RBP2: variants seen among roughly 807,000 people sequenced by gnomAD.
RBP2 encodes the protein retinol binding protein 2, also known as retinol-binding protein 2.
RBP2 carries 17 observed loss-of-function variants against 17.0 expected under a neutral mutation model. The ratio of observed to expected loss-of-function variants is 1.00; its 90% CI spans 0.68 to 1.50. RBP2 has a LOEUF of 1.50. Ranked by LOEUF, RBP2 falls within the 40% of genes most tolerant of loss-of-function variation. The pLI is 0.00. For synonymous variants in RBP2, 48 were observed against 57.1 expected, an observed-to-expected ratio of 0.84 and a Z score of 0.72; for missense variants, 158 against 168.2, an observed-to-expected ratio of 0.94 and a Z score of 0.33.
At chr3:139,470,320 A>T (rs535655606) in intron 1 of RBP2, among the ~76,000 whole-genome samples, 1 of 151,860 alleles carries the variant, frequency 6.6e-6, no homozygotes, top group South Asian at 2.1e-4. Flanking sequence ...TCATCTGCAA[A>T]CCCCGTGAGC....
chr3:139,461,271 G>T (rs1355326266), intron 2 of RBP2, among the ~76,000 whole-genome samples: 3 of 152,096 alleles, frequency 2.0e-5, no homozygotes, highest in Non-Finnish European at 2.9e-5. Flanking sequence ...AGCTCCTGTG[G>T]GCAAGAGCCT....
chr3:139,466,122 C>T (rs969425805), intron 1 of RBP2, among the ~76,000 whole-genome samples: 1 of 152,088 alleles, frequency 6.6e-6, no homozygotes, highest in Non-Finnish European at 1.5e-5. Context: ...TGGTTTCTGC[C>T]CTGTAGAATT....
At chr3:139,458,655 T>C (rs1471192163) in intron 2 of RBP2, among the ~76,000 whole-genome samples, 16 of 152,088 alleles carry the variant, frequency 1.1e-4, no homozygotes, top group Non-Finnish European at 4.4e-5. Context: ...GCAACCACTT[T>C]CTCTCTCTAT....
chr3:139,462,037 T>A (rs976873711), intron 2 of RBP2, 75 bp downstream of exon 2: 2 of 1,491,270 alleles, frequency 1.3e-6, no homozygotes, highest in African/African-American at 2.8e-5. Flanking sequence ...TAATATTTTT[T>A]TTTTCATCAT....
intron 1 of RBP2, among the ~76,000 whole-genome samples, chr3:139,475,757 A>C (rs957343832): frequency 1.4e-4 from 22 of 152,316 alleles, no homozygotes; most frequent in Non-Finnish European, 2.6e-4. Flanking sequence ...TAGGCTGGGC[A>C]GGGCTATGTG....
At chr3:139,456,683 G>A (rs1932975796) in intron 2 of RBP2, among the ~76,000 whole-genome samples, 1 of 152,190 alleles carries the variant, frequency 6.6e-6, no homozygotes, top group African/African-American at 2.4e-5. Context: ...CCTGAGGAGA[G>A]AACTTGTGGC....
chr3:139,461,326 T>C (rs1181082059), intron 2 of RBP2, among the ~76,000 whole-genome samples: 2 of 152,192 alleles, frequency 1.3e-5, no homozygotes, highest in African/African-American at 4.8e-5. Context: ...GATAACTCCC[T>C]ACTCCCCTCT....
chr3:139,460,524 C>T (rs1264069032), intron 2 of RBP2, among the ~76,000 whole-genome samples: 2 of 152,122 alleles, frequency 1.3e-5, no homozygotes, highest in South Asian at 4.2e-4. Context: ...TAATTGTCAC[C>T]AAATAATAAT....
At chr3:139,459,345 C>G (rs914347774) in intron 2 of RBP2, among the ~76,000 whole-genome samples, 2 of 149,510 alleles carry the variant, frequency 1.3e-5, no homozygotes, top group Non-Finnish European at 3.0e-5. Context: ...CCCTTGAGAT[C>G]AGGAGTTCAC....
At chr3:139,472,223 G>T (rs1933591937) in intron 1 of RBP2, among the ~76,000 whole-genome samples, 1 of 152,248 alleles carries the variant, frequency 6.6e-6, no homozygotes, top group East Asian at 1.9e-4. Flanking sequence ...TGTTACTATT[G>T]TTCTATTGAT....
At chr3:139,465,760 A>G (rs1006358955) in intron 1 of RBP2, among the ~76,000 whole-genome samples, 1 of 152,066 alleles carries the variant, frequency 6.6e-6, no homozygotes, top group Non-Finnish European at 1.5e-5. Flanking sequence ...CCAAATGGCA[A>G]TTGTTTTCTA....
rs369282665 is a variant in RBP2, at chr3:139,453,081, G to T, written c.*35C>A. ...AGTAGACCACTCAGTGTGGGCAGTG[G>T]GGAGCTTGTGCTTGGCAGGCCTCCC... is the stretch of plus-strand genomic sequence containing the variant. On this transcript the variant is annotated 3_prime_UTR_variant, in exon 4 of 4. Coordinates refer to ENST00000232217, the MANE Select transcript of RBP2 (RefSeq NM_004164.3). 21 of 1,613,344 alleles carry T rather than the reference G, an allele frequency of 1.3e-5. No individual in the cohort carries two copies. The African/African-American group carries it at 1.3e-4, about 10-fold the overall frequency.
At chr3:139,463,052 C>T (rs1933246205) in intron 1 of RBP2, among the ~76,000 whole-genome samples, 1 of 152,028 alleles carries the variant, frequency 6.6e-6, no homozygotes, top group South Asian at 2.1e-4. Flanking sequence ...AGGCTGGTCT[C>T]AAACTCCTGA....
chr3:139,462,258 G>A lies in RBP2; in HGVS notation c.106C>T (p.Arg36Cys). The A allele has an allele frequency of 6.2e-7, 1 of 1,614,104 alleles. No homozygotes were observed. Among genetic ancestry groups the A allele is most frequent in the Non-Finnish European group, 8.5e-7 (1 of 1,180,000 alleles). Residue 36 changes from arginine to cysteine, a missense_variant, in exon 2 of 4, where the codon CGT becomes TGT. Coordinates refer to ENST00000232217, the MANE Select transcript of RBP2 (RefSeq NM_004164.3). ...IDFATRKIAV[R>C]LTQTKVIDQD... ...TCAATAACCTTCGTCTGAGTGAGAC[G>A]TACTGCAATCTTGCGGGTGGCAAAA...
chr3:139,468,438 C>T (rs746446731), intron 1 of RBP2, among the ~76,000 whole-genome samples: 6 of 152,118 alleles, frequency 3.9e-5, no homozygotes, highest in African/African-American at 4.8e-5. Flanking sequence ...TGACCAGTGC[C>T]GGGGGAATCT....
At chr3:139,471,913 A>G (rs1933582644) in intron 1 of RBP2, among the ~76,000 whole-genome samples, 1 of 152,188 alleles carries the variant, frequency 6.6e-6, no homozygotes, top group African/African-American at 2.4e-5. Context: ...TCCTCTGCAT[A>G]CAATTTCTTC....
rs548169647 is a variant in RBP2 at position 139,453,185 on chromosome 3, G to T, written c.355-19C>A. ...TCAGCTCCTGCAACGTCAGAAAGTGGGTGAGGGTCTAACAAGCCAGGCCTT... is the reference window on the plus strand; with the variant it reads ...TCAGCTCCTGCAACGTCAGAAAGTGTGTGAGGGTCTAACAAGCCAGGCCTT... On this transcript the variant is annotated intron_variant, in intron 3 of 3. Coordinates refer to ENST00000232217, the MANE Select transcript of RBP2 (RefSeq NM_004164.3). The T allele has an allele frequency of 1.3e-4, 209 of 1,614,042 alleles. 3 individuals carry two copies. In the South Asian group the frequency reaches 2.1e-3, roughly 16 times the overall value.
At chr3:139,469,278 T>C (rs1209804734) in intron 1 of RBP2, among the ~76,000 whole-genome samples, 1 of 152,146 alleles carries the variant, frequency 6.6e-6, no homozygotes. Context: ...GAAAACACAT[T>C]TAGAAAGGAA....
rs774876722 is a variant in RBP2, at chr3:139,453,186, G to C, written c.355-20C>G. ...CAGCTCCTGCAACGTCAGAAAGTGGGTGAGGGTCTAACAAGCCAGGCCTTT... is the reference window on the plus strand; with the variant it reads ...CAGCTCCTGCAACGTCAGAAAGTGGCTGAGGGTCTAACAAGCCAGGCCTTT... On this transcript the variant is annotated intron_variant, in intron 3 of 3. Transcript: ENST00000232217. The C allele has an allele frequency of 6.2e-7, 1 of 1,614,050 alleles. No individual in the cohort carries two copies. The highest frequency in any genetic ancestry group is 2.2e-5 in the East Asian group (1 of 44,870).
Sources: allele counts gnomAD v4.1 joint callset (sites outside exome capture counted in the v4.1 genomes callset), GRCh38; gene constraint gnomAD v4.1.1; transcripts MANE v1.5; gene names NCBI Gene and HGNC (gene_info 2026-07-23, HGNC 2026-07-21).